Variants in LRRC8D observed in about 807,000 individuals in gnomAD.
The protein encoded by LRRC8D is leucine rich repeat containing 8 VRAC subunit D.
LRRC8D carries 20 observed loss-of-function variants against 55.8 expected under a neutral mutation model. That is an observed-to-expected ratio of 0.36 (90% confidence interval 0.25 to 0.52). The LOEUF (loss-of-function observed/expected upper bound fraction) is 0.52. LRRC8D is among the 20% of genes least tolerant of loss of function. The pLI, the probability that LRRC8D is intolerant of heterozygous loss-of-function variation, is 0.93. For missense variants in LRRC8D, 651 were observed against 1,030.8 expected, an observed-to-expected ratio of 0.63 and a Z score of 5.05; for synonymous variants, 352 against 377.0, an observed-to-expected ratio of 0.93 and a Z score of 0.77.
intron 2 of LRRC8D, among the ~76,000 whole-genome samples, chr1:89,875,508 A>G (rs1394268136): frequency 6.6e-6 from 1 of 152,212 alleles, no homozygotes; most frequent in Non-Finnish European, 1.5e-5. Flanking sequence ...TCTATTAGAT[A>G]TCCTTTAATA....
intron 2 of LRRC8D, among the ~76,000 whole-genome samples, chr1:89,899,251 T>C (rs76156721): frequency 6.6e-6 from 1 of 152,214 alleles, no homozygotes; most frequent in Non-Finnish European, 1.5e-5. Context: ...AACCACTTTC[T>C]TTGGCTGAGG....
At position 89,821,281 on chromosome 1, in the gene LRRC8D, T is replaced by C. The variant is rs1167311231; in HGVS notation, c.-158T>C. 1 of 151,888 alleles carries C rather than the reference T, an allele frequency of 6.6e-6. No individual in the cohort carries two copies. The highest frequency in any genetic ancestry group is 6.6e-5 in the Admixed American group (1 of 15,250). 9.4% of individuals were successfully genotyped at this position (151,888 alleles called of 1,614,324 possible). ...ATAAGCCGTGGCTTGGCGGCCGAGC[T>C]GCACCCCAAGGTTGGTGCGCACCTC... On this transcript the variant is annotated 5_prime_UTR_variant, in exon 1 of 3. Coordinates refer to ENST00000337338, the MANE Select transcript of LRRC8D (RefSeq NM_001134479.2).
At chr1:89,853,534 TTTTG>T (rs1298857960) in intron 2 of LRRC8D, among the ~76,000 whole-genome samples, 6 of 152,280 alleles carry the variant, frequency 3.9e-5, no homozygotes, top group South Asian at 2.1e-4. Flanking sequence ...ACCCGGTGCT[TTTTG>T]TTTGTTTGTT....
At chr1:89,927,170 A>C (rs940844558) in intron 2 of LRRC8D, among the ~76,000 whole-genome samples, 3 of 152,260 alleles carry the variant, frequency 2.0e-5, no homozygotes, top group Non-Finnish European at 4.4e-5. Flanking sequence ...AGAGGAAGAG[A>C]CAGGCTTCCC....
At chr1:89,864,633 A>G (rs1404154395) in intron 2 of LRRC8D, among the ~76,000 whole-genome samples, 1 of 152,020 alleles carries the variant, frequency 6.6e-6, no homozygotes, top group Non-Finnish European at 1.5e-5. Flanking sequence ...CTCTCTATAC[A>G]TTGGAACCTT....
At chr1:89,852,115 T>C (rs1661434049) in intron 2 of LRRC8D, among the ~76,000 whole-genome samples, 1 of 152,136 alleles carries the variant, frequency 6.6e-6, no homozygotes, top group African/African-American at 2.4e-5. Context: ...GATAAAATCA[T>C]AATATAGAAT....
chr1:89,909,673 TGGCTAACAC>T (rs1197737475), intron 2 of LRRC8D, among the ~76,000 whole-genome samples: 3 of 152,140 alleles, frequency 2.0e-5, no homozygotes, highest in African/African-American at 7.2e-5. Context: ...GAGACCATCC[TGGCTAACAC>T]GGTGAAACCC....
intron 2 of LRRC8D, among the ~76,000 whole-genome samples, chr1:89,925,610 A>T (rs1663539323): frequency 6.6e-6 from 1 of 152,222 alleles, no homozygotes. Context: ...TCACTAGAGG[A>T]TCATAATGTA....
chr1:89,843,703 C>A lies in LRRC8D; in HGVS notation c.-82C>A, dbSNP rs907544541. On this transcript the variant is annotated 5_prime_UTR_variant, in exon 2 of 3. Coordinates refer to ENST00000337338, the MANE Select transcript of LRRC8D (RefSeq NM_001134479.2). ...ATGGAGGAGTGAAGTCTCCTGTCGCCGTGGTTCCAGCCTCCGGAGCTCGCC... is the reference window on the plus strand; with the variant it reads ...ATGGAGGAGTGAAGTCTCCTGTCGCAGTGGTTCCAGCCTCCGGAGCTCGCC... 5 of 702,128 alleles carry A rather than the reference C, an allele frequency of 7.1e-6. No homozygotes were observed. Among genetic ancestry groups the A allele is most frequent in the Non-Finnish European group, 1.3e-5 (5 of 384,722 alleles). 43.5% of individuals were successfully genotyped at this position (702,128 alleles called of 1,614,324 possible). A position where few individuals can be genotyped will look rare whatever the true frequency, so the allele number is the denominator to read the frequency against.
chr1:89,837,993 C>T (rs1661038860), intron 1 of LRRC8D, among the ~76,000 whole-genome samples: 1 of 151,950 alleles, frequency 6.6e-6, no homozygotes. Flanking sequence ...TAATAATGAA[C>T]ATTATATTTA....
At chr1:89,841,547 A>C (rs1447303824) in intron 1 of LRRC8D, among the ~76,000 whole-genome samples, 1 of 152,224 alleles carries the variant, frequency 6.6e-6, no homozygotes, top group Non-Finnish European at 1.5e-5. Context: ...TGTCAACTTG[A>C]AGCCATGTGT....
chr1:89,841,409 T>C (rs79522482), intron 1 of LRRC8D, among the ~76,000 whole-genome samples: 8,593 of 146,664 alleles, frequency 0.059, 269 homozygotes, highest in Middle Eastern at 0.079. Flanking sequence ...CCCCCCCTTT[T>C]TTTTGTGAGT....
rs183066045 is a variant in LRRC8D at position 89,861,234 on chromosome 1, C to T, written c.-3+17452C>T. The stretch of plus-strand genomic sequence containing the variant: ...CCCATGCTTAAATACCACCTCTGTC[C>T]CCTGCTAACTGTGTGACCCTAGGAA... On this transcript the variant is annotated intron_variant, in intron 2 of 2. Coordinates refer to ENST00000337338, the MANE Select transcript of LRRC8D (RefSeq NM_001134479.2). Among the ~76,000 whole-genome samples the T allele has an allele frequency of 1.7e-3, 259 of 152,238 alleles. 1 individual carries two copies. The highest frequency in any genetic ancestry group is 5.8e-3 in the African/African-American group (241 of 41,544).
intron 2 of LRRC8D, among the ~76,000 whole-genome samples, chr1:89,909,947 T>C (rs1052312412): frequency 5.9e-5 from 9 of 152,138 alleles, no homozygotes; most frequent in Admixed American, 2.0e-4. Flanking sequence ...TTAAGTCCCT[T>C]AGCCCCTCCT....
At position 89,835,233 on chromosome 1, in the gene LRRC8D, G is replaced by A. The variant is rs561638846; in HGVS notation, c.-147-8405G>A. On this transcript the variant is annotated intron_variant, in intron 1 of 2. Coordinates refer to ENST00000337338, the MANE Select transcript of LRRC8D (RefSeq NM_001134479.2). ...GTGGTTCTGAGGGCAGCCTGGTGAG[G>A]GAAGGGTTCTAGAGGGCATTGGGGC... Among the ~76,000 whole-genome samples, 3 of 152,298 alleles carry A rather than the reference G, an allele frequency of 2.0e-5. No homozygotes were observed. The South Asian group carries it at 6.2e-4, about 32-fold the overall frequency.
At chr1:89,872,704 A>C (rs1439071772) in intron 2 of LRRC8D, among the ~76,000 whole-genome samples, 1 of 152,124 alleles carries the variant, frequency 6.6e-6, no homozygotes, top group Non-Finnish European at 1.5e-5. Context: ...TTTCCCTGAG[A>C]TGAATGCTGT....
intron 2 of LRRC8D, among the ~76,000 whole-genome samples, chr1:89,883,070 T>C (rs1307896474): frequency 6.6e-6 from 1 of 152,150 alleles, no homozygotes; most frequent in East Asian, 1.9e-4. Context: ...GATGCCTGCT[T>C]GTAGTCCTGG....
chr1:89,868,960 G>A (rs956035741), intron 2 of LRRC8D, among the ~76,000 whole-genome samples: 1 of 152,160 alleles, frequency 6.6e-6, no homozygotes, highest in Admixed American at 6.5e-5. Flanking sequence ...AGGCTGGAGT[G>A]CAGTGGTATG....
chr1:89,871,402 G>T (rs376238850), intron 2 of LRRC8D, among the ~76,000 whole-genome samples: 122 of 152,214 alleles, frequency 8.0e-4, no homozygotes, highest in African/African-American at 2.8e-3. Flanking sequence ...TTTGGTAACC[G>T]CCTGCGCATA....
Sources: gnomAD v4.1 joint callset for allele counts (sites outside exome capture counted in the v4.1 genomes callset) on GRCh38, gnomAD v4.1.1 for gene constraint, MANE v1.5 for transcripts, NCBI Gene and HGNC (gene_info 2026-07-23, HGNC 2026-07-21) for gene names.